The following TBX3 variants were observed in gnomAD, a reference collection of about 807,000 sequenced individuals.
The protein encoded by TBX3 is T-box transcription factor TBX3.
In TBX3, 11 loss-of-function variants were observed where a neutral mutation model predicts 47.8. The observed-to-expected ratio is 0.23, with a 90% CI of 0.14 to 0.38. TBX3 has a LOEUF of 0.38. Among genes scored for constraint, TBX3 ranks in the 10% least tolerant of loss-of-function variants. The pLI is 1.00. For missense variants in TBX3, 927 were observed against 1,022.8 expected, an observed-to-expected ratio of 0.91 and a Z score of 1.28; for synonymous variants, 500 against 449.3, an observed-to-expected ratio of 1.11 and a Z score of -1.43.
chr12:114,683,087 C>A lies in TBX3; in HGVS notation c.114G>T (p.Pro38=), dbSNP rs763066174. Residue 38 remains proline, a synonymous_variant, in exon 1 of 7, where the codon CCG becomes CCT. Coordinates refer to ENST00000349155, the MANE Select transcript of TBX3 (RefSeq NM_005996.4). The surrounding 1 kb of genome is among the most constrained non-coding windows in gnomAD (Gnocchi z 7.7). ...GCAGCGTCAGCGCGGGGAAGAACGG[C>A]GGCTGGTGACCCAGCACCGCGCTCA... The part of the protein sequence containing the change: ...FAMSAVLGHQ[P]PFFPALTLPP... 2 of 1,610,648 alleles carry A rather than the reference C, an allele frequency of 1.2e-6. No homozygotes were observed. Among genetic ancestry groups the A allele is most frequent in the Non-Finnish European group, 1.7e-6 (2 of 1,178,256 alleles).
chr12:114,675,523 A>AC (rs1868667795), intron 5 of TBX3, among the ~76,000 whole-genome samples: 3 of 152,188 alleles, frequency 2.0e-5, no homozygotes. Flanking sequence ...TGGGTGTTCC[A>AC]CCAGAAGAAA....
intron 1 of TBX3, among the ~76,000 whole-genome samples, chr12:114,681,501 G>T (rs1285412518): frequency 1.3e-5 from 2 of 152,240 alleles, no homozygotes; most frequent in Non-Finnish European, 2.9e-5. Flanking sequence ...TTTTCTGTGG[G>T]TATCTAGATC....
intron 5 of TBX3, among the ~76,000 whole-genome samples, chr12:114,675,580 A>G (rs900971851): frequency 6.6e-6 from 1 of 152,186 alleles, no homozygotes; most frequent in African/African-American, 2.4e-5. Context: ...TGGATTGAAG[A>G]CATAAAGGAC....
chr12:114,680,349 AT>A (rs1200900031), intron 2 of TBX3: 5 of 298,626 alleles, frequency 1.7e-5, no homozygotes, highest in Non-Finnish European at 3.1e-5. Flanking sequence ...CACACAAACC[AT>A]TTTTTTCTGA....
chr12:114,682,584 G>T lies in TBX3; in HGVS notation c.389+228C>A, dbSNP rs533003532. ...CTCCACTGAAAAATTCTGTCTGTTC[G>T]GGAGGGAACCCAGGATGCAGACCAA... On this transcript the variant is annotated intron_variant, in intron 1 of 6. Coordinates refer to ENST00000349155, the MANE Select transcript of TBX3 (RefSeq NM_005996.4). Among the ~76,000 whole-genome samples the T allele has an allele frequency of 3.3e-5, 5 of 151,770 alleles. No individual in the cohort carries two copies. In the South Asian group the frequency reaches 6.3e-4, roughly 19 times the overall value.
chr12:114,672,218 C>A lies in TBX3; in HGVS notation c.1795G>T (p.Ala599Ser), dbSNP rs1191297422. The part of the protein sequence containing the change: ...AAAAAASSAA[A>S]SSSVHRHPFL... ...GGGTGGCGGTGCACCGAGCTGGAGG[C>A]TGCCGCAGAGGAGGCGGCCGCCGCT... The change falls in exon 7 of 7, where the codon GCC becomes TCC. Residue 599 changes from alanine (A) to serine (S), a missense_variant. Physicochemically the swap from Ala to Ser is moderately conservative, Grantham distance 99. Transcript: ENST00000349155. 1 of 1,573,582 alleles carries A rather than the reference C, an allele frequency of 6.4e-7. No homozygotes were observed. Among genetic ancestry groups the A allele is most frequent in the Non-Finnish European group, 8.6e-7 (1 of 1,160,326 alleles).
Position 114,683,049 on chromosome 12 carries a change from G to T in TBX3, c.152C>A (p.Ala51Glu). The change falls in exon 1 of 7, where the codon GCG (alanine) becomes GAG (glutamate). Residue 51 changes from alanine (A) to glutamate (E), a missense_variant. Coordinates refer to ENST00000349155, the MANE Select transcript of TBX3 (RefSeq NM_005996.4). The surrounding 1 kb of genome is among the most constrained non-coding windows in gnomAD (Gnocchi z 7.7). ...FPALTLPPNG[A>E]AALSLPGALA... The stretch of plus-strand genomic sequence containing the variant: ...GGCGCCCGGCAGCGAGAGCGCCGCC[G>T]CGCCGTTGGGAGGCAGCGTCAGCGC... 6.2e-7 allele frequency: 1 copy of T among 1,608,894 alleles called. No individual in the cohort carries two copies. The highest frequency in any genetic ancestry group is 8.5e-7 in the Non-Finnish European group (1 of 1,176,618).
chr12:114,683,460 G>A lies in TBX3; in HGVS notation c.-260C>T, dbSNP rs947754186. ...AATCAGCAAACATAGTCGCGCGGGT[G>A]ACCGTCCTTGTGCCTTGCGTTTTTA... On this transcript the variant is annotated 5_prime_UTR_variant, in exon 1 of 7. Transcript: ENST00000349155. The surrounding 1 kb of genome is among the most constrained non-coding windows in gnomAD (Gnocchi z 7.7). 1.9e-6 allele frequency: 1 copy of A among 528,016 alleles called. No individual in the cohort carries two copies. Among genetic ancestry groups the A allele is most frequent in the Non-Finnish European group, 3.3e-6 (1 of 300,810 alleles). The allele number at this position is 528,016 out of a possible 1,614,324, so 32.7% of individuals were successfully genotyped here. A position where few individuals can be genotyped will look rare whatever the true frequency, so the allele number is the denominator to read the frequency against.
In TBX3 at chr12:114,676,455, C is replaced by A. The variant is rs1868717150; in HGVS notation, c.897G>T (p.Leu299=). The A allele has an allele frequency of 6.2e-7, 1 of 1,614,140 alleles. No homozygotes were observed. The highest frequency in any genetic ancestry group is 1.7e-5 in the Admixed American group (1 of 60,014). Residue 299 remains leucine (L), a synonymous_variant, in exon 5 of 7, where the codon CTG becomes CTT. Coordinates refer to ENST00000349155, the MANE Select transcript of TBX3 (RefSeq NM_005996.4). ...GRREKRKQLT[L]QSMRVFDERH... ...TTTCATCAAACACCCTCATGGACTG[C>A]AGGGTGAGCTGTTTTCTGTGGCAGA...
intron 1 of TBX3, among the ~76,000 whole-genome samples, chr12:114,682,584 G>A (rs533003532): frequency 1.3e-5 from 2 of 151,652 alleles, no homozygotes; most frequent in Non-Finnish European, 2.9e-5. Context: ...CTGTCTGTTC[G>A]GGAGGGAACC....
intron 6 of TBX3, among the ~76,000 whole-genome samples, chr12:114,672,773 T>A (rs1391557473): frequency 6.6e-6 from 1 of 152,038 alleles, no homozygotes; most frequent in Non-Finnish European, 1.5e-5. Context: ...TTAGTAGGAA[T>A]AATTTTTTAA....
Position 114,683,429 on chromosome 12 carries a change from G to C in TBX3, c.-229C>G. Reference sequence around the variant, plus strand: ...GGAGGCCGCTTTTAAAGAGGGCAAGGCGAAAAATCAGCAAACATAGTCGCG... The same window carrying C: ...GGAGGCCGCTTTTAAAGAGGGCAAGCCGAAAAATCAGCAAACATAGTCGCG... On this transcript the variant is annotated 5_prime_UTR_variant, in exon 1 of 7. Coordinates refer to ENST00000349155, the MANE Select transcript of TBX3 (RefSeq NM_005996.4). The surrounding 1 kb of genome is among the most constrained non-coding windows in gnomAD (Gnocchi z 7.7). 1 of 596,188 alleles carries C rather than the reference G, an allele frequency of 1.7e-6. No homozygotes were observed. The highest frequency in any genetic ancestry group is 2.8e-6 in the Non-Finnish European group (1 of 355,490). The allele number at this position is 596,188 out of a possible 1,614,324, so 36.9% of individuals were successfully genotyped here.
At chr12:114,673,240 C>T (rs1007698643) in intron 6 of TBX3, among the ~76,000 whole-genome samples, 2 of 152,204 alleles carry the variant, frequency 1.3e-5, no homozygotes, top group Admixed American at 1.3e-4. Flanking sequence ...CTCCCTCCTC[C>T]CTGGAGTGGG....
intron 3 of TBX3, among the ~76,000 whole-genome samples, chr12:114,678,893 T>C (rs1031416684): frequency 1.3e-5 from 2 of 152,040 alleles, no homozygotes; most frequent in African/African-American, 4.8e-5. Flanking sequence ...GTGGTGACTT[T>C]GGCCACCCCA....
Position 114,671,571 on chromosome 12 carries a change from A to G in TBX3, c.*270T>C. On this transcript the variant is annotated 3_prime_UTR_variant, in exon 7 of 7. Coordinates refer to ENST00000349155, the MANE Select transcript of TBX3 (RefSeq NM_005996.4). ...AGCCTTGCTGGAAGTTGCTCTGGACATAAATGTTGGAACTCCTACCCCCAG... is the reference window on the plus strand; with the variant it reads ...AGCCTTGCTGGAAGTTGCTCTGGACGTAAATGTTGGAACTCCTACCCCCAG... 1 of 553,448 alleles carries G rather than the reference A, an allele frequency of 1.8e-6. No homozygotes were observed. Among genetic ancestry groups the G allele is most frequent in the Middle Eastern group, 4.9e-4 (1 of 2,042 alleles). 34.3% of individuals were successfully genotyped at this position (553,448 alleles called of 1,614,324 possible).
rs953444220 is a variant in TBX3 at position 114,683,347 on chromosome 12, C to A, written c.-147G>T. On this transcript the variant is annotated 5_prime_UTR_variant, in exon 1 of 7. Transcript: ENST00000349155. This position sits in a 1 kb window ranked among gnomAD's most constrained non-coding sequence, Gnocchi z 7.7. ...AAAAGAAAGAAAAAAGAAAAGGAGG[C>A]AGAAATCACAACTAATGCACTTCAA... 8 of 1,106,566 alleles carry A rather than the reference C, an allele frequency of 7.2e-6. No homozygotes were observed. In the African/African-American group the frequency reaches 1.1e-4, roughly 15 times the overall value. 68.5% of individuals were successfully genotyped at this position (1,106,566 alleles called of 1,614,324 possible). A position where few individuals can be genotyped will look rare whatever the true frequency, so the allele number is the denominator to read the frequency against.
At position 114,683,261 on chromosome 12, in the gene TBX3, T is replaced by A; in HGVS notation, c.-61A>T. On this transcript the variant is annotated 5_prime_UTR_variant, in exon 1 of 7. Coordinates refer to ENST00000349155, the MANE Select transcript of TBX3 (RefSeq NM_005996.4). This position sits in a 1 kb window ranked among gnomAD's most constrained non-coding sequence, Gnocchi z 7.7. Reference sequence around the variant, plus strand: ...CAAGTCCGCAGCTGCTGTGTTTTGTTGTTTTTTTGTTGTTGTTTAACAGCA... The same window carrying A: ...CAAGTCCGCAGCTGCTGTGTTTTGTAGTTTTTTTGTTGTTGTTTAACAGCA... 1 of 1,587,158 alleles carries A rather than the reference T, an allele frequency of 6.3e-7. No individual in the cohort carries two copies. The highest frequency in any genetic ancestry group is 1.1e-5 in the South Asian group (1 of 89,512).
At position 114,680,020 on chromosome 12, in the gene TBX3, G is replaced by T. The variant is rs1481052370; in HGVS notation, c.658-369C>A. On this transcript the variant is annotated intron_variant, in intron 2 of 6. Transcript: ENST00000349155. ...GCATTTTAATTTACAAAATGATTCA[G>T]TACTTTAAGCGCCCACTAATTGACG... is the stretch of plus-strand genomic sequence containing the variant. The T allele has an allele frequency of 3.1e-6, 5 of 1,599,552 alleles. 1 individual carries two copies. The highest frequency in any genetic ancestry group is 3.3e-4 in the Middle Eastern group (2 of 6,060).
intron 6 of TBX3, 34 bp downstream of exon 6, chr12:114,674,131 A>G: frequency 6.4e-7 from 1 of 1,567,930 alleles, no homozygotes; most frequent in South Asian, 1.2e-5. Flanking sequence ...CGAAAGGTGG[A>G]AAGACTGGTG....
Sources: allele counts gnomAD v4.1 joint callset (sites outside exome capture counted in the v4.1 genomes callset), GRCh38; gene constraint gnomAD v4.1.1; non-coding constraint Gnocchi (gnomAD v3.1); transcripts MANE v1.5; gene names NCBI Gene and HGNC (gene_info 2026-07-23, HGNC 2026-07-21).